SYTL3: variants seen among roughly 807,000 people sequenced by gnomAD.
SYTL3 encodes synaptotagmin-like protein 3.
In SYTL3, 88 loss-of-function variants were observed where a neutral mutation model predicts 82.1. The observed-to-expected ratio is 1.07, with a 90% CI of 0.90 to 1.28. SYTL3 has a LOEUF of 1.28. SYTL3 is among the 50% of genes most tolerant of loss of function. The pLI is 0.00. For missense variants in SYTL3, 831 were observed against 757.6 expected (o/e 1.10, Z -1.14); for synonymous variants, 311 against 289.4 (o/e 1.07, Z -0.76).
intron 8 of SYTL3, among the ~76,000 whole-genome samples, chr6:158,710,742 T>C (rs1249730589): frequency 6.6e-6 from 1 of 152,030 alleles, no homozygotes; most frequent in Non-Finnish European, 1.5e-5. Context: ...CTTGCTGCAC[T>C]TGTATTTGGA....
chr6:158,670,759 G>A (rs758408788), intron 5 of SYTL3, among the ~76,000 whole-genome samples: 3 of 151,974 alleles, frequency 2.0e-5, no homozygotes, highest in Non-Finnish European at 2.9e-5. Flanking sequence ...TCCAAGCTAG[G>A]CGACAGACTC....
At chr6:158,757,837 G>A (rs1789343737) in intron 14 of SYTL3, among the ~76,000 whole-genome samples, 1 of 152,224 alleles carries the variant, frequency 6.6e-6, no homozygotes, top group African/African-American at 2.4e-5. Context: ...GTGACAAATG[G>A]CTGGACCCGA....
intron 6 of SYTL3, among the ~76,000 whole-genome samples, chr6:158,698,312 G>A (rs966280736): frequency 6.7e-6 from 1 of 149,486 alleles, no homozygotes; most frequent in Admixed American, 6.7e-5. Flanking sequence ...CAGGAGAATC[G>A]CTTGAACACA....
chr6:158,695,986 A>G (rs6905421), intron 6 of SYTL3, among the ~76,000 whole-genome samples: 70,336 of 152,046 alleles, frequency 0.46, 16,500 homozygotes, highest in South Asian at 0.5. Context: ...GCTGCTGGGA[A>G]CATTGGTGTA....
At chr6:158,713,682 C>G in intron 8 of SYTL3, 118 bp from the exon 9 acceptor site, 1 of 741,032 alleles carries the variant, frequency 1.3e-6, no homozygotes, top group South Asian at 1.6e-5. Context: ...GCACCACGCC[C>G]ACACTCACTC....
At chr6:158,713,229 T>C (rs1782958196) in intron 8 of SYTL3, among the ~76,000 whole-genome samples, 1 of 152,104 alleles carries the variant, frequency 6.6e-6, no homozygotes, top group South Asian at 2.1e-4. Context: ...GGATGTTTGG[T>C]GGCTAGATGG....
At chr6:158,763,043 T>C (rs1790195403) in intron 16 of SYTL3, among the ~76,000 whole-genome samples, 1 of 152,300 alleles carries the variant, frequency 6.6e-6, no homozygotes, top group South Asian at 2.1e-4. Flanking sequence ...GCAGTCATGG[T>C]GGGAGGCACC....
Position 158,690,430 on chromosome 6 carries a change from T to G in SYTL3, c.394+7441T>G, listed in dbSNP as rs1433277259. On this transcript the variant is annotated intron_variant, in intron 6 of 17. Coordinates refer to ENST00000611299, the MANE Select transcript of SYTL3 (RefSeq NM_001242394.2). ...AGTAATTCCAGGAATCATTACACCC[T>G]CTGCACCCAGTTTCCTTTTTATTAG... Among the ~76,000 whole-genome samples, 3 of 152,224 alleles carry G rather than the reference T, an allele frequency of 2.0e-5. No individual in the cohort carries two copies. The East Asian group carries it at 5.8e-4, about 29-fold the overall frequency.
At chr6:158,750,223 A>C (rs1318698398) in intron 12 of SYTL3, among the ~76,000 whole-genome samples, 4 of 152,350 alleles carry the variant, frequency 2.6e-5, no homozygotes, top group Non-Finnish European at 5.9e-5. Context: ...TTAAGGAGAC[A>C]CATCAAAATG....
chr6:158,756,213 A>C (rs954041001), intron 13 of SYTL3, among the ~76,000 whole-genome samples: 1 of 152,154 alleles, frequency 6.6e-6, no homozygotes, highest in Admixed American at 6.5e-5. Flanking sequence ...GGCAGAACCC[A>C]TGCTTGGCTG....
At chr6:158,745,720 T>G in intron 12 of SYTL3, 62 bp downstream of exon 12, 2 of 1,244,676 alleles carry the variant, frequency 1.6e-6, no homozygotes, top group Non-Finnish European at 1.1e-6. Context: ...TATGAAAAAG[T>G]AAAAGTCTAA....
At chr6:158,717,993 C>A in intron 9 of SYTL3, 94 bp from the exon 10 acceptor site, 1 of 1,283,732 alleles carries the variant, frequency 7.8e-7, no homozygotes, top group Non-Finnish European at 1.0e-6. Flanking sequence ...TTGGGACCCA[C>A]TGTCTGTGGG....
chr6:158,703,153 TAAAAAA>T (rs71297001), intron 6 of SYTL3, among the ~76,000 whole-genome samples: 5 of 94,876 alleles, frequency 5.3e-5, no homozygotes, highest in African/African-American at 7.9e-5. Context: ...GACTCTGTCT[TAAAAAA>T]AAAAAAAAAA....
At chr6:158,733,810 C>T (rs192561130) in intron 11 of SYTL3, among the ~76,000 whole-genome samples, 1 of 151,230 alleles carries the variant, frequency 6.6e-6, no homozygotes, top group Admixed American at 6.6e-5. Context: ...CAAGAAGCAC[C>T]CTTTTGGCCG....
rs746030221 is a variant in SYTL3, at chr6:158,763,414, C to G, written c.1628C>G (p.Ala543Gly). The change falls in exon 17 of 18, where the codon GCT becomes GGT. Residue 543 changes from alanine (A) to glycine (G), a missense_variant. By Grantham distance (60) the Ala-to-Gly change is moderately conservative. Coordinates refer to ENST00000611299, the MANE Select transcript of SYTL3 (RefSeq NM_001242394.2). ...HSFVFSGVTP[A>G]QLRQSSLELT... ...TTTGTCTTCAGTGGCGTAACCCCAG[C>G]TCAGCTGAGGCAGTCAAGCTTGGAG... The G allele has an allele frequency of 2.5e-6, 4 of 1,614,100 alleles. No individual in the cohort carries two copies. In the East Asian group the frequency reaches 8.9e-5, roughly 36 times the overall value.
chr6:158,710,033 T>C (rs1782584148), intron 8 of SYTL3, among the ~76,000 whole-genome samples: 1 of 152,148 alleles, frequency 6.6e-6, no homozygotes, highest in Non-Finnish European at 1.5e-5. Context: ...CGACTGTCTC[T>C]AAACAAACAA....
chr6:158,674,996 C>G (rs1241834177), intron 5 of SYTL3, among the ~76,000 whole-genome samples: 1 of 151,948 alleles, frequency 6.6e-6, no homozygotes, highest in East Asian at 1.9e-4. Flanking sequence ...GACACCTACT[C>G]TATGTACATA....
chr6:158,679,597 G>A (rs1778430213), intron 5 of SYTL3, among the ~76,000 whole-genome samples: 1 of 152,132 alleles, frequency 6.6e-6, no homozygotes, highest in Non-Finnish European at 1.5e-5. Context: ...ATCACAGATA[G>A]GCCCAAGAGA....
chr6:158,699,420 T>C (rs1419425000), intron 6 of SYTL3, among the ~76,000 whole-genome samples: 1 of 152,206 alleles, frequency 6.6e-6, no homozygotes, highest in African/African-American at 2.4e-5. Flanking sequence ...TATCGGTAGC[T>C]GAAATAAGCT....
Sources: gnomAD v4.1 joint callset for allele counts (sites outside exome capture counted in the v4.1 genomes callset) on GRCh38, gnomAD v4.1.1 for gene constraint, MANE v1.5 for transcripts, NCBI Gene and HGNC (gene_info 2026-07-23, HGNC 2026-07-21) for gene names.